Variants in CTIF observed in about 807,000 individuals in gnomAD.
The protein encoded by CTIF is CBP80/20-dependent translation initiation factor.
CTIF carries 21 observed loss-of-function variants against 66.0 expected under a neutral mutation model. The ratio of observed to expected loss-of-function variants is 0.32; its 90% CI spans 0.23 to 0.46. CTIF has a LOEUF of 0.46. Among genes scored for constraint, CTIF ranks in the 20% least tolerant of loss-of-function variants. The pLI, the probability that CTIF is intolerant of heterozygous loss-of-function variation, is 1.00. For synonymous variants in CTIF, 345 were observed against 326.4 expected (o/e 1.06, Z -0.62); for missense variants, 739 against 812.7 (o/e 0.91, Z 1.10).
chr18:48,550,393 C>G (rs1334472811), intron 1 of CTIF, among the ~76,000 whole-genome samples: 1 of 152,362 alleles, frequency 6.6e-6, no homozygotes, highest in Admixed American at 6.5e-5. Flanking sequence ...CCTGCACATT[C>G]TGCAGAATGA....
intron 1 of CTIF, among the ~76,000 whole-genome samples, chr18:48,608,882 C>T (rs562184208): frequency 4.7e-4 from 72 of 152,318 alleles, no homozygotes; most frequent in Middle Eastern, 3.4e-3. Context: ...CCAGAGAGAA[C>T]GTTGCCTGAG....
rs1447596086 is a variant in CTIF, at chr18:48,761,649, A to G, written c.1331A>G (p.Glu444Gly). The G allele has an allele frequency of 2.5e-6, 4 of 1,613,108 alleles. No individual in the cohort carries two copies. Among genetic ancestry groups the G allele is most frequent in the African/African-American group, 1.3e-5 (1 of 74,908 alleles). ...LCDKMALFMV[E>G]GTKFRSLLLN... ...GACAAGATGGCGCTCTTTATGGTGG[A>G]GGGGACCAAGTTCCGGAGCCTGCTC... is the stretch of plus-strand genomic sequence containing the variant. The change falls in exon 9 of 12, where the codon GAG becomes GGG. Residue 444 changes from glutamate to glycine, a missense_variant. Physicochemically the swap from Glu to Gly is moderately conservative, Grantham distance 98. Coordinates refer to ENST00000256413, the MANE Select transcript of CTIF (RefSeq NM_014772.3). This position sits in a 1 kb window ranked among gnomAD's most constrained non-coding sequence, Gnocchi z 4.2.
chr18:48,566,175 GA>G (rs2089275845), intron 1 of CTIF: 1 of 152,256 alleles, frequency 6.6e-6, no homozygotes, highest in South Asian at 2.1e-4. Flanking sequence ...GAGTGTCAGT[GA>G]GTAAACACGC....
intron 9 of CTIF, among the ~76,000 whole-genome samples, chr18:48,788,719 C>T (rs1398995165): frequency 1.3e-5 from 2 of 152,144 alleles, no homozygotes; most frequent in Non-Finnish European, 2.9e-5. Context: ...GAACAGGACA[C>T]AGACCCTCTC....
At chr18:48,629,037 C>T (rs1479505135) in intron 2 of CTIF, among the ~76,000 whole-genome samples, 2 of 152,212 alleles carry the variant, frequency 1.3e-5, no homozygotes, top group Admixed American at 1.3e-4. Flanking sequence ...AGGATTCTGA[C>T]TGGGGTCTGT....
At chr18:48,773,196 C>G (rs1383519600) in intron 9 of CTIF, among the ~76,000 whole-genome samples, 1 of 152,182 alleles carries the variant, frequency 6.6e-6, no homozygotes, top group Admixed American at 6.5e-5. Context: ...AGTCCAACCC[C>G]CTCGTATTAC....
chr18:48,738,268 G>A (rs904924184), intron 7 of CTIF, among the ~76,000 whole-genome samples: 7 of 152,048 alleles, frequency 4.6e-5, no homozygotes, highest in Non-Finnish European at 8.8e-5. Context: ...AGGCAGTGTG[G>A]GCTCTCACCG....
intron 1 of CTIF, among the ~76,000 whole-genome samples, chr18:48,609,387 G>A (rs2090266087): frequency 6.6e-6 from 1 of 152,234 alleles, no homozygotes. Context: ...AGAGAATGCA[G>A]AAGACAGAGT....
chr18:48,738,299 C>T lies in CTIF; in HGVS notation c.585-19620C>T, dbSNP rs1384976764. ...CACCGGGATTACTCCTATAACATTA[C>T]TATCTTTGATCTCACCTTTTTCAAT... On this transcript the variant is annotated intron_variant, in intron 7 of 11. Coordinates refer to ENST00000256413, the MANE Select transcript of CTIF (RefSeq NM_014772.3). 2.6e-5 allele frequency among the ~76,000 whole-genome samples: 4 copies of T among 152,304 alleles called. No individual in the cohort carries two copies. In the East Asian group the frequency reaches 7.7e-4, roughly 29 times the overall value.
intron 9 of CTIF, among the ~76,000 whole-genome samples, chr18:48,765,281 C>T (rs1909413779): frequency 6.6e-6 from 1 of 152,192 alleles, no homozygotes; most frequent in South Asian, 2.1e-4. Context: ...TTGCACTCAG[C>T]TCCATCCACT....
At chr18:48,845,433 G>A (rs896807873) in intron 10 of CTIF, among the ~76,000 whole-genome samples, 2 of 152,160 alleles carry the variant, frequency 1.3e-5, no homozygotes, top group Non-Finnish European at 2.9e-5. Context: ...TGTACTTCTT[G>A]GAACTCTTGG....
intron 6 of CTIF, among the ~76,000 whole-genome samples, chr18:48,686,528 G>T (rs1483845029): frequency 7.0e-6 from 1 of 142,088 alleles, no homozygotes; most frequent in Non-Finnish European, 1.6e-5. Context: ...TTGCTGCTCG[G>T]TTCTCACGTT....
At chr18:48,601,493 T>C (rs16949597) in intron 1 of CTIF, among the ~76,000 whole-genome samples, 45,251 of 152,194 alleles carry the variant, frequency 0.3, 8,131 homozygotes, top group African/African-American at 0.51. Flanking sequence ...GAGAGTTATA[T>C]GAGTCTGAGA....
chr18:48,758,097 A>T lies in CTIF; in HGVS notation c.763A>T (p.Met255Leu), dbSNP rs1381966700. 3 of 1,614,022 alleles carry T rather than the reference A, an allele frequency of 1.9e-6. No individual in the cohort carries two copies. The highest frequency in any genetic ancestry group is 2.2e-5 in the South Asian group (2 of 91,074). The change falls in exon 8 of 12, where the codon ATG becomes TTG. Residue 255 changes from methionine to leucine, a missense_variant. Coordinates refer to ENST00000256413, the MANE Select transcript of CTIF (RefSeq NM_014772.3). ...GAACCGGCGCTGGCACCATGGCAAC[A>T]TGAAGCACCCACCAGGCGACAAGGG... ...SQNRRWHHGN[M>L]KHPPGDKGEA... is the part of the protein sequence containing the mutation.
intron 3 of CTIF, among the ~76,000 whole-genome samples, chr18:48,637,329 G>C (rs1002351544): frequency 1.3e-5 from 2 of 152,198 alleles, no homozygotes; most frequent in Admixed American, 6.5e-5. Context: ...CTGCCCTGGT[G>C]ACCCCCTGGC....
chr18:48,640,326 G>A (rs1484689631), intron 3 of CTIF, among the ~76,000 whole-genome samples: 5 of 152,202 alleles, frequency 3.3e-5, no homozygotes, highest in Non-Finnish European at 5.9e-5. Context: ...ACCCTAAGAC[G>A]GGAGTCAGGG....
intron 1 of CTIF, among the ~76,000 whole-genome samples, chr18:48,594,978 G>A (rs1004577462): frequency 3.3e-5 from 5 of 152,374 alleles, no homozygotes; most frequent in African/African-American, 7.2e-5. Flanking sequence ...TCTGCCAAGA[G>A]GGAGGTGGCC....
At position 48,569,469 on chromosome 18, in the gene CTIF, A is replaced by C. The variant is rs564466790; in HGVS notation, c.-29+30157A>C. 8.0e-4 allele frequency among the ~76,000 whole-genome samples: 122 copies of C among 152,208 alleles called. 3 individuals carry two copies. In the South Asian group the frequency reaches 0.016, roughly 20 times the overall value. The stretch of plus-strand genomic sequence containing the variant: ...CAAGAAATTCATAAATGAAAAAAAA[A>C]CAAAAAAACAAAAAAAAAACTTGGG... On this transcript the variant is annotated intron_variant, in intron 1 of 11. Coordinates refer to ENST00000256413, the MANE Select transcript of CTIF (RefSeq NM_014772.3).
At chr18:48,603,634 G>A (rs569393245) in intron 1 of CTIF, among the ~76,000 whole-genome samples, 52 of 151,280 alleles carry the variant, frequency 3.4e-4, no homozygotes, top group African/African-American at 1.2e-3. Flanking sequence ...TGGAAGGATG[G>A]ATGGATGGAT....
Sources: gnomAD v4.1 joint callset for allele counts (sites outside exome capture counted in the v4.1 genomes callset) on GRCh38, gnomAD v4.1.1 for gene constraint, Gnocchi (gnomAD v3.1) non-coding constraint, MANE v1.5 for transcripts, NCBI Gene and HGNC (gene_info 2026-07-23, HGNC 2026-07-21) for gene names.